DPP6: variants seen among roughly 807,000 people sequenced by gnomAD.
DPP6 encodes the protein dipeptidyl peptidase like 6.
DPP6 carries 69 observed loss-of-function variants against 122.6 expected under a neutral mutation model. That is an observed-to-expected ratio of 0.56 (90% CI 0.46 to 0.69). The LOEUF (loss-of-function observed/expected upper bound fraction) is 0.69. Ranked by LOEUF, DPP6 falls within the 30% of genes least tolerant of loss-of-function variation. DPP6 has a pLI of 0.00. For missense variants in DPP6, 928 were observed against 1,116.9 expected (o/e 0.83, Z 2.41); for synonymous variants, 418 against 433.1 (o/e 0.97, Z 0.43).
At chr7:154,861,388 A>C (rs1002071574) in intron 17 of DPP6, among the ~76,000 whole-genome samples, 1 of 152,210 alleles carries the variant, frequency 6.6e-6, no homozygotes, top group Non-Finnish European at 1.5e-5. Context: ...ATGATATCTA[A>C]GTATTGTGGC....
At chr7:153,953,336 T>C (rs1802309407) in intron 1 of DPP6, among the ~76,000 whole-genome samples, 1 of 152,194 alleles carries the variant, frequency 6.6e-6, no homozygotes, top group South Asian at 2.1e-4. Context: ...GTAATTTGCC[T>C]AAGATCACAC....
intron 1 of DPP6, among the ~76,000 whole-genome samples, chr7:154,376,623 T>C (rs75553937): frequency 0.014 from 2,145 of 152,344 alleles, 43 homozygotes; most frequent in African/African-American, 0.047. Context: ...TTCAGCTCTT[T>C]ATACACACAA....
At chr7:154,205,258 A>G (rs969466613) in intron 1 of DPP6, among the ~76,000 whole-genome samples, 2 of 152,192 alleles carry the variant, frequency 1.3e-5, no homozygotes, top group Non-Finnish European at 2.9e-5. Context: ...GGTAACACCC[A>G]GGACATTGAC....
In DPP6 at chr7:154,587,405, A is replaced by G. The variant is rs933447759; in HGVS notation, c.627+20489A>G. The G allele has an allele frequency of 6.9e-6, 4 of 576,964 alleles. 1 individual carries two copies. Among genetic ancestry groups the G allele is most frequent in the Admixed American group, 6.1e-5 (2 of 32,594 alleles). The allele number at this position is 576,964 out of a possible 1,614,324, so 35.7% of individuals were successfully genotyped here. A position where few individuals can be genotyped will look rare whatever the true frequency, so the allele number is the denominator to read the frequency against. ...CTCTTCTCTCCTCTTGCCAGGACCA[A>G]TGCTGCCGCTTTCCACCTGTCCTTC... On this transcript the variant is annotated intron_variant, in intron 5 of 25. Transcript: ENST00000377770.
At chr7:153,887,267 C>T (rs531671560) in exon 1 of DPP6, 88 of 154,270 alleles carry the variant, frequency 5.7e-4, no homozygotes, top group Non-Finnish European at 9.0e-4. Flanking sequence ...TCCCCGAGTG[C>T]GCCCCCTGTG....
At chr7:154,200,448 A>G (rs982368091) in intron 1 of DPP6, among the ~76,000 whole-genome samples, 1 of 152,164 alleles carries the variant, frequency 6.6e-6, no homozygotes, top group Non-Finnish European at 1.5e-5. Flanking sequence ...TGAGGGTGAG[A>G]ACCGCCGGGT....
At chr7:154,790,500 G>A (rs1587147457) in intron 10 of DPP6, among the ~76,000 whole-genome samples, 1 of 152,112 alleles carries the variant, frequency 6.6e-6, no homozygotes, top group Non-Finnish European at 1.5e-5. Flanking sequence ...TCCATTAATA[G>A]TGTTTATTGT....
intron 1 of DPP6, among the ~76,000 whole-genome samples, chr7:154,045,953 C>T (rs1370327490): frequency 6.6e-6 from 1 of 152,006 alleles, no homozygotes; most frequent in Non-Finnish European, 1.5e-5. Flanking sequence ...CTTGACCATG[C>T]CATTTTTTCA....
At chr7:154,843,532 C>G (rs527294017) in intron 16 of DPP6, among the ~76,000 whole-genome samples, 1 of 152,302 alleles carries the variant, frequency 6.6e-6, no homozygotes, top group African/African-American at 2.4e-5. Flanking sequence ...GTTGACATTG[C>G]AAAGGCAGAT....
intron 1 of DPP6, among the ~76,000 whole-genome samples, chr7:154,187,898 G>T (rs1798426618): frequency 6.6e-6 from 1 of 152,158 alleles, no homozygotes; most frequent in African/African-American, 2.4e-5. Flanking sequence ...GAGACACAAT[G>T]GATGAGGCCC....
intron 1 of DPP6, among the ~76,000 whole-genome samples, chr7:154,302,348 A>G (rs1805966870): frequency 1.3e-5 from 2 of 152,214 alleles, no homozygotes; most frequent in South Asian, 4.1e-4. Flanking sequence ...GCTGTCACCA[A>G]TGGCAGGATA....
chr7:154,063,669 C>A (rs1305466947), intron 1 of DPP6, among the ~76,000 whole-genome samples: 15 of 144,438 alleles, frequency 1.0e-4, no homozygotes, highest in South Asian at 2.3e-4. Flanking sequence ...CGCTTAGGAC[C>A]CCCATCCCAG....
At chr7:154,137,458 C>T (rs1795614395) in intron 1 of DPP6, among the ~76,000 whole-genome samples, 1 of 151,490 alleles carries the variant, frequency 6.6e-6, no homozygotes. Context: ...CCCCATACAC[C>T]ATGTATGGGG....
At chr7:154,806,808 G>A (rs887100750) in intron 15 of DPP6, among the ~76,000 whole-genome samples, 186 bp from the exon 16 acceptor site, 4 of 152,214 alleles carry the variant, frequency 2.6e-5, no homozygotes, top group Non-Finnish European at 5.9e-5. Context: ...CACCAGCAAA[G>A]GAAGGTGGAA....
the DPP6 span, among the ~76,000 whole-genome samples, chr7:153,771,863 A>C: frequency 5.9e-5 from 9 of 152,230 alleles, no homozygotes; most frequent in African/African-American, 1.9e-4. Flanking sequence ...AAAGAAACTT[A>C]TATCTACACA....
intron 5 of DPP6, among the ~76,000 whole-genome samples, chr7:154,603,242 T>A (rs1308164499): frequency 8.3e-6 from 1 of 120,392 alleles, no homozygotes; most frequent in Non-Finnish European, 1.9e-5. Flanking sequence ...TTGTTTAGAG[T>A]TTGTGAACTT....
chr7:154,704,673 G>A (rs1840725877), intron 7 of DPP6, among the ~76,000 whole-genome samples: 1 of 152,224 alleles, frequency 6.6e-6, no homozygotes, highest in Non-Finnish European at 1.5e-5. Context: ...AGGCTTAGAT[G>A]ATTGTTAGCA....
At chr7:153,859,220 G>A in the DPP6 span, among the ~76,000 whole-genome samples, 2 of 152,134 alleles carry the variant, frequency 1.3e-5, no homozygotes, top group African/African-American at 2.4e-5. Context: ...GGCTGGATAA[G>A]ATGGAGAGGG....
chr7:154,337,719 A>G (rs1340593892), intron 1 of DPP6, among the ~76,000 whole-genome samples: 1 of 152,030 alleles, frequency 6.6e-6, no homozygotes, highest in East Asian at 1.9e-4. Flanking sequence ...CGCAAGGGAT[A>G]AAAGATGGAG....
Sources: gnomAD v4.1 joint callset for allele counts (sites outside exome capture counted in the v4.1 genomes callset) on GRCh38, gnomAD v4.1.1 for gene constraint, MANE v1.5 for transcripts, NCBI Gene and HGNC (gene_info 2026-07-23, HGNC 2026-07-21) for gene names.